Variants in C18orf63 observed in about 807,000 individuals in gnomAD.
The protein encoded by C18orf63 is uncharacterized protein C18orf63.
Under a neutral mutation model 75.3 loss-of-function variants are expected in C18orf63, and 50 were observed. The ratio of observed to expected loss-of-function variants is 0.66; its 90% CI spans 0.53 to 0.84. The LOEUF (loss-of-function observed/expected upper bound fraction) is 0.84, where lower values mean the gene tolerates loss of function less well. Ranked by LOEUF, C18orf63 falls within the 40% of genes least tolerant of loss-of-function variation. C18orf63 has a pLI of 0.00. For synonymous variants in C18orf63, 232 were observed against 267.6 expected, an observed-to-expected ratio of 0.87 and a Z score of 1.30; for missense variants, 732 against 800.2, an observed-to-expected ratio of 0.91 and a Z score of 1.03.
rs1306860296 is a variant in C18orf63, at chr18:74,358,804, CT to C, written c.*2358del. On this transcript the variant is annotated 3_prime_UTR_variant, in exon 14 of 14. Coordinates refer to ENST00000579455, the MANE Select transcript of C18orf63 (RefSeq NM_001174123.2). Reference sequence around the variant, plus strand: ...TATTTCTAGGAATGCAAAAGTGCTTCTCATATACTCATATATTAGGTTTCAC... The same window carrying C: ...TATTTCTAGGAATGCAAAAGTGCTTCCATATACTCATATATTAGGTTTCAC... 9.2e-5 allele frequency: 14 copies of C among 152,214 alleles called. No individual in the cohort carries two copies. The highest frequency in any genetic ancestry group is 3.4e-3 in the Middle Eastern group (1 of 294). The allele number at this position is 152,214 out of a possible 1,614,324, so 9.4% of individuals were successfully genotyped here. A position where few individuals can be genotyped will look rare whatever the true frequency, so the allele number is the denominator to read the frequency against.
At chr18:74,322,381 T>C (rs549342195) in intron 3 of C18orf63, among the ~76,000 whole-genome samples, 1 of 152,348 alleles carries the variant, frequency 6.6e-6, no homozygotes, top group Admixed American at 6.5e-5. Flanking sequence ...TTATGTCCAT[T>C]TTCCTTATTC....
At chr18:74,349,295 T>G (rs548169128) in intron 11 of C18orf63, among the ~76,000 whole-genome samples, 12 of 152,314 alleles carry the variant, frequency 7.9e-5, no homozygotes, top group African/African-American at 2.9e-4. Context: ...CAATCCAATT[T>G]AGGAACCCTT....
chr18:74,325,876 G>T (rs4891549), intron 4 of C18orf63, among the ~76,000 whole-genome samples: 24,948 of 152,180 alleles, frequency 0.16, 2,152 homozygotes, highest in Admixed American at 0.2. Flanking sequence ...CACCATCTTT[G>T]CACTGCAAGG....
chr18:74,344,563 C>G (rs937344362), intron 11 of C18orf63, among the ~76,000 whole-genome samples: 1 of 152,182 alleles, frequency 6.6e-6, no homozygotes, highest in Non-Finnish European at 1.5e-5. Context: ...CAAAAGGTGA[C>G]CACTACTATG....
At chr18:74,336,264 A>G (rs1305426513) in intron 7 of C18orf63, among the ~76,000 whole-genome samples, 2 of 152,004 alleles carry the variant, frequency 1.3e-5, no homozygotes, top group Admixed American at 6.6e-5. Context: ...TGTATGTCCC[A>G]TAGAGCCTTA....
chr18:74,354,383 G>T, intron 12 of C18orf63, 74 bp from the exon 13 acceptor site: 1 of 1,238,674 alleles, frequency 8.1e-7, no homozygotes, highest in Admixed American at 2.6e-5. Context: ...TTAATAAACA[G>T]AATATCTACC....
chr18:74,342,276 T>C lies in C18orf63; in HGVS notation c.744T>C (p.Ile248=). ...AACTTCCAGGTGATTGTGGAAAAAT[T>C]AAAATATACTGCAACATCTATTTCA... is the stretch of plus-strand genomic sequence containing the variant. ...GYKLPGDCGK[I]KIYCNIYFKM... Residue 248 remains isoleucine (I), a synonymous_variant, in exon 10 of 14, where the codon ATT becomes ATC. Transcript: ENST00000579455. 1 of 1,533,606 alleles carries C rather than the reference T, an allele frequency of 6.5e-7. No individual in the cohort carries two copies. 95.0% of individuals were successfully genotyped at this position (1,533,606 alleles called of 1,614,324 possible). A position where few individuals can be genotyped will look rare whatever the true frequency, so the allele number is the denominator to read the frequency against.
chr18:74,325,634 T>G (rs552739014), intron 4 of C18orf63, among the ~76,000 whole-genome samples: 2 of 152,360 alleles, frequency 1.3e-5, no homozygotes, highest in Non-Finnish European at 2.9e-5. Flanking sequence ...AGTCTTTACC[T>G]GTAATTATGA....
intron 8 of C18orf63, among the ~76,000 whole-genome samples, chr18:74,340,890 A>G (rs1213144458): frequency 2.0e-5 from 3 of 152,100 alleles, no homozygotes; most frequent in Non-Finnish European, 4.4e-5. Context: ...TGTTGGTGAA[A>G]GGATACAAAA....
At chr18:74,317,611 T>G (rs879689068) in intron 1 of C18orf63, among the ~76,000 whole-genome samples, 2 of 152,234 alleles carry the variant, frequency 1.3e-5, no homozygotes, top group Non-Finnish European at 2.9e-5. Flanking sequence ...GTGAATTTTA[T>G]GTTATGTGAA....
chr18:74,337,572 T>G (rs550494745), intron 7 of C18orf63, among the ~76,000 whole-genome samples: 4 of 152,254 alleles, frequency 2.6e-5, no homozygotes, highest in Non-Finnish European at 4.4e-5. Context: ...TTTTCTGACA[T>G]TCATAACCAT....
At chr18:74,330,830 T>C in intron 6 of C18orf63, 36 bp from the exon 7 acceptor site, 1 of 772,364 alleles carries the variant, frequency 1.3e-6, no homozygotes, top group Non-Finnish European at 2.0e-6. Flanking sequence ...AGAGTAATAA[T>C]TCCAGGTAGT....
rs1159647333 is a variant in C18orf63, at chr18:74,357,012, GA to G, written c.*572del. Reference sequence around the variant, plus strand: ...ACATAAGATATAGTATATTTTTTAAGAAAAAAAGAATGTGTATATATATATT... The same window carrying G: ...ACATAAGATATAGTATATTTTTTAAGAAAAAAGAATGTGTATATATATATT... On this transcript the variant is annotated 3_prime_UTR_variant, in exon 14 of 14. Transcript: ENST00000579455. 1.3e-5 allele frequency: 2 copies of G among 151,816 alleles called. No individual in the cohort carries two copies. The highest frequency in any genetic ancestry group is 1.9e-4 in the East Asian group (1 of 5,190). The allele number at this position is 151,816 out of a possible 1,614,324, so 9.4% of individuals were successfully genotyped here.
At chr18:74,340,101 A>G (rs1321371842) in intron 8 of C18orf63, among the ~76,000 whole-genome samples, 1 of 152,196 alleles carries the variant, frequency 6.6e-6, no homozygotes, top group Non-Finnish European at 1.5e-5. Flanking sequence ...TTTGTAAACC[A>G]TACATCTGAT....
intron 11 of C18orf63, 139 bp from the exon 12 acceptor site, chr18:74,353,107 A>G (rs1040930671): frequency 3.1e-6 from 2 of 645,194 alleles, no homozygotes; most frequent in Non-Finnish European, 5.2e-6. Flanking sequence ...GCTCATTTTT[A>G]TTTTGTTTTT....
In C18orf63 at chr18:74,353,330, T is replaced by C; in HGVS notation, c.1063T>C (p.Cys355Arg). 6.5e-7 allele frequency: 1 copy of C among 1,536,568 alleles called. No individual in the cohort carries two copies. The highest frequency in any genetic ancestry group is 8.7e-7 in the Non-Finnish European group (1 of 1,146,984). ...LTQATSRKPA[C>R]AQSLLPCSVA... ...TCAAGCCACTTCCAGAAAGCCTGCC[T>C]GTGCTCAAAGTCTTCTACCATGTTC... Residue 355 changes from cysteine to arginine, a missense_variant, in exon 12 of 14, where the codon TGT becomes CGT. Coordinates refer to ENST00000579455, the MANE Select transcript of C18orf63 (RefSeq NM_001174123.2).
intron 7 of C18orf63, among the ~76,000 whole-genome samples, chr18:74,332,264 G>A (rs1018928445): frequency 6.6e-6 from 1 of 152,112 alleles, no homozygotes; most frequent in East Asian, 1.9e-4. Context: ...GGCAGGGTGT[G>A]GAAGCTGAGG....
At chr18:74,317,699 A>C (rs1485178881) in intron 1 of C18orf63, 135 bp from the exon 2 acceptor site, 1 of 491,444 alleles carries the variant, frequency 2.0e-6, no homozygotes, top group Non-Finnish European at 3.5e-6. Context: ...AGGGATACTT[A>C]ACTGCTGAAG....
intron 7 of C18orf63, among the ~76,000 whole-genome samples, chr18:74,335,018 C>T (rs1984368253): frequency 6.6e-6 from 1 of 152,132 alleles, no homozygotes; most frequent in African/African-American, 2.4e-5. Context: ...TTGAAGAATT[C>T]CCCAGCTCCT....
Sources: allele counts gnomAD v4.1 joint callset (sites outside exome capture counted in the v4.1 genomes callset), GRCh38; gene constraint gnomAD v4.1.1; transcripts MANE v1.5; gene names NCBI Gene and HGNC (gene_info 2026-07-23, HGNC 2026-07-21).